Variants in SDK2 observed in about 807,000 individuals in gnomAD.
SDK2 encodes protein sidekick-2.
In SDK2, 105 loss-of-function variants were observed where a neutral mutation model predicts 253.9. The ratio of observed to expected loss-of-function variants is 0.41; its 90% CI spans 0.35 to 0.49. The LOEUF is 0.49. Ranked by LOEUF, SDK2 falls within the 20% of genes least tolerant of loss-of-function variation. The probability of loss-of-function intolerance (pLI) is 0.06; values close to 1 mark genes in which losing one functional copy is unlikely to be tolerated. For synonymous variants in SDK2, 1,249 were observed against 1,234.9 expected (o/e 1.01, Z -0.24); for missense variants, 2,608 against 3,003.0 (o/e 0.87, Z 3.07).
chr17:73,625,604 C>T (rs1448960775), intron 1 of SDK2, among the ~76,000 whole-genome samples: 1 of 152,186 alleles, frequency 6.6e-6, no homozygotes, highest in African/African-American at 2.4e-5. Flanking sequence ...TCTTGAAATT[C>T]TGATTAATTT....
intron 39 of SDK2, among the ~76,000 whole-genome samples, 199 bp from the exon 40 acceptor site, chr17:73,358,403 C>A (rs983031830): frequency 2.6e-5 from 4 of 152,168 alleles, no homozygotes; most frequent in Non-Finnish European, 4.4e-5. Context: ...CCCTGGGCTA[C>A]CCCTATGCTC....
intron 1 of SDK2, among the ~76,000 whole-genome samples, chr17:73,641,566 G>A (rs966442994): frequency 7.9e-5 from 12 of 152,060 alleles, no homozygotes; most frequent in African/African-American, 2.4e-4. Flanking sequence ...AGGTGATGTC[G>A]CTCAGGTCCA....
intron 1 of SDK2, among the ~76,000 whole-genome samples, chr17:73,561,694 C>A (rs974691420): frequency 4.6e-5 from 7 of 152,248 alleles, no homozygotes; most frequent in African/African-American, 1.7e-4. Flanking sequence ...GAGCACTGTG[C>A]AGACTCCTGT....
At chr17:73,442,593 G>C (rs947491789) in intron 5 of SDK2, among the ~76,000 whole-genome samples, 1 of 152,004 alleles carries the variant, frequency 6.6e-6, no homozygotes, top group African/African-American at 2.4e-5. Flanking sequence ...CACCCGCCTC[G>C]GCCTCCCAAA....
At chr17:73,339,385 C>A (rs1228896619) in intron 44 of SDK2, among the ~76,000 whole-genome samples, 3 of 151,918 alleles carry the variant, frequency 2.0e-5, no homozygotes, top group Non-Finnish European at 4.4e-5. Context: ...TGCCACCACG[C>A]CTGGCTAATT....
At chr17:73,507,784 T>C (rs1180063977) in intron 1 of SDK2, among the ~76,000 whole-genome samples, 187 bp from the exon 2 acceptor site, 2 of 151,972 alleles carry the variant, frequency 1.3e-5, no homozygotes. Flanking sequence ...TCAGCGGGAG[T>C]CACCGACATC....
chr17:73,338,335 T>A lies in SDK2; in HGVS notation c.*252A>T, dbSNP rs1338836230. On this transcript the variant is annotated 3_prime_UTR_variant, in exon 45 of 45. Coordinates refer to ENST00000392650, the MANE Select transcript of SDK2 (RefSeq NM_001144952.2). This position sits in a 1 kb window ranked among gnomAD's most constrained non-coding sequence, Gnocchi z 5.0. ...TGACACAGCCACTTCCCCAGCTCCGTGTAATTCCCAAGGGAGCAGTGAACC... is the reference window on the plus strand; with the variant it reads ...TGACACAGCCACTTCCCCAGCTCCGAGTAATTCCCAAGGGAGCAGTGAACC... 3.2e-6 allele frequency: 2 copies of A among 621,306 alleles called. No individual in the cohort carries two copies. Among genetic ancestry groups the A allele is most frequent in the East Asian group, 3.4e-5 (1 of 29,264 alleles). 38.5% of individuals were successfully genotyped at this position (621,306 alleles called of 1,614,324 possible).
chr17:73,390,996 C>G (rs2062923734), intron 28 of SDK2, among the ~76,000 whole-genome samples: 1 of 152,202 alleles, frequency 6.6e-6, no homozygotes, highest in Non-Finnish European at 1.5e-5. Context: ...CAAGTTCACG[C>G]AGCTGCCGAC....
chr17:73,622,125 G>A (rs932759383), intron 1 of SDK2, among the ~76,000 whole-genome samples: 1 of 152,240 alleles, frequency 6.6e-6, no homozygotes, highest in Non-Finnish European at 1.5e-5. Flanking sequence ...CTACCATAGT[G>A]TATGGGGAAT....
intron 40 of SDK2, chr17:73,357,861 G>T: frequency 1.4e-6 from 1 of 713,384 alleles, no homozygotes; most frequent in Non-Finnish European, 2.4e-6. Flanking sequence ...ACTAACAGCC[G>T]TTCTCTGGGG....
At chr17:73,491,319 G>C (rs2063804811) in intron 2 of SDK2, among the ~76,000 whole-genome samples, 1 of 151,738 alleles carries the variant, frequency 6.6e-6, no homozygotes, top group Non-Finnish European at 1.5e-5. Context: ...GACCCTGGCT[G>C]CTGGGAGCCT....
intron 2 of SDK2, among the ~76,000 whole-genome samples, chr17:73,490,882 A>T (rs2063801646): frequency 6.6e-6 from 1 of 151,814 alleles, no homozygotes; most frequent in Non-Finnish European, 1.5e-5. Context: ...CTTATTAACC[A>T]CCCTACGAGG....
Position 73,424,397 on chromosome 17 carries a change from G to A in SDK2, c.1584-305C>T, listed in dbSNP as rs114867088. ...TTGTTGCTTCTGGCCAGAAGCGCTT[G>A]CAAAACAGCCAGTGAAAGGTATTCT... is the stretch of plus-strand genomic sequence containing the variant. On this transcript the variant is annotated intron_variant, in intron 12 of 44. Transcript: ENST00000392650. 9.6e-3 allele frequency among the ~76,000 whole-genome samples: 1,455 copies of A among 152,274 alleles called. 18 individuals are homozygous for A. Among genetic ancestry groups the A allele is most frequent in the Middle Eastern group, 0.031 (9 of 294 alleles).
At chr17:73,387,239 C>T (rs746034590) in intron 30 of SDK2, among the ~76,000 whole-genome samples, 32 of 152,334 alleles carry the variant, frequency 2.1e-4, no homozygotes, top group Admixed American at 5.2e-4. Context: ...GGATTCCGGG[C>T]GTAAGCCACC....
intron 32 of SDK2, 80 bp from the exon 33 acceptor site, chr17:73,384,091 G>A: frequency 2.0e-6 from 3 of 1,466,530 alleles, no homozygotes; most frequent in Non-Finnish European, 2.8e-6. Flanking sequence ...CATGCCTCCT[G>A]CAGCCACAGA....
In SDK2 at chr17:73,455,704, A is replaced by G. The variant is rs2063520814; in HGVS notation, c.479+202T>C. Among the ~76,000 whole-genome samples, 1 of 152,194 alleles carries G rather than the reference A, an allele frequency of 6.6e-6. No homozygotes were observed. Among genetic ancestry groups the G allele is most frequent in the African/African-American group, 2.4e-5 (1 of 41,448 alleles). On this transcript the variant is annotated intron_variant, in intron 4 of 44. Coordinates refer to ENST00000392650, the MANE Select transcript of SDK2 (RefSeq NM_001144952.2). The surrounding 1 kb of genome is among the most constrained non-coding windows in gnomAD (Gnocchi z 5.0). ...GGATTCCCCAGGAAGGGGACCGGGCATGGGTTTCATGGTCCCAAGTCCTTG... is the reference window on the plus strand; with the variant it reads ...GGATTCCCCAGGAAGGGGACCGGGCGTGGGTTTCATGGTCCCAAGTCCTTG...
At chr17:73,502,520 A>C (rs1471220201) in intron 2 of SDK2, among the ~76,000 whole-genome samples, 1 of 152,240 alleles carries the variant, frequency 6.6e-6, no homozygotes, top group Non-Finnish European at 1.5e-5. Context: ...AAGGAGCTCC[A>C]CTGGCCAAAT....
At chr17:73,581,021 C>T (rs937169784) in intron 1 of SDK2, among the ~76,000 whole-genome samples, 1 of 151,890 alleles carries the variant, frequency 6.6e-6, no homozygotes, top group African/African-American at 2.4e-5. Context: ...GTCACTGGGA[C>T]CACATGCCCA....
chr17:73,624,212 G>A lies in SDK2; in HGVS notation c.64+19813C>T, dbSNP rs202096019. On this transcript the variant is annotated intron_variant, in intron 1 of 44. Coordinates refer to ENST00000392650, the MANE Select transcript of SDK2 (RefSeq NM_001144952.2). ...ATAGAACTGATAGTTCATATTTTTG[G>A]GCTGGGCGTGGTAGCTCACGCCTGT... is the stretch of plus-strand genomic sequence containing the variant. Among the ~76,000 whole-genome samples the A allele has an allele frequency of 1.1e-4, 16 of 152,340 alleles. 1 individual carries two copies. The East Asian group carries it at 3.1e-3, about 29-fold the overall frequency.
Sources: allele counts gnomAD v4.1 joint callset (sites outside exome capture counted in the v4.1 genomes callset), GRCh38; gene constraint gnomAD v4.1.1; non-coding constraint Gnocchi (gnomAD v3.1); transcripts MANE v1.5; gene names NCBI Gene and HGNC (gene_info 2026-07-23, HGNC 2026-07-21).